Variants in ASB5 observed in about 807,000 individuals in gnomAD.
The protein encoded by ASB5 is ankyrin repeat and SOCS box containing 5, also known as ankyrin repeat and SOCS box protein 5.
Under a neutral mutation model 42.1 loss-of-function variants are expected in ASB5, and 45 were observed. The ratio of observed to expected loss-of-function variants is 1.07; its 90% CI spans 0.84 to 1.37. ASB5 has a LOEUF of 1.37. Among genes scored for constraint, ASB5 ranks in the 40% most tolerant of loss-of-function variants. The pLI is 0.00. For synonymous variants in ASB5, 147 were observed against 150.6 expected, an observed-to-expected ratio of 0.98 and a Z score of 0.18; for missense variants, 402 against 399.8, an observed-to-expected ratio of 1.01 and a Z score of -0.05.
chr4:176,266,235 C>A (rs1007884963), intron 1 of ASB5, among the ~76,000 whole-genome samples: 1 of 152,142 alleles, frequency 6.6e-6, no homozygotes, highest in Non-Finnish European at 1.5e-5. Flanking sequence ...TCAACAGGGT[C>A]TTCGGTGATT....
upstream of ASB5, among the ~76,000 whole-genome samples, chr4:176,271,038 T>C (rs1031078731): frequency 6.6e-6 from 1 of 152,228 alleles, no homozygotes; most frequent in Admixed American, 6.5e-5. Flanking sequence ...TTAAGAAACA[T>C]TTTCATTTCA....
At chr4:176,270,152 T>C (rs1324891437), upstream of ASB5, among the ~76,000 whole-genome samples, 2 of 152,202 alleles carry the variant, frequency 1.3e-5, no homozygotes, top group African/African-American at 4.8e-5. Flanking sequence ...ATTTTGGCAT[T>C]TAAGCCAAAA....
chr4:176,271,870 A>T (rs533634490), upstream of ASB5, among the ~76,000 whole-genome samples: 1 of 152,262 alleles, frequency 6.6e-6, no homozygotes, highest in East Asian at 1.9e-4. Flanking sequence ...GTTGCCTCTA[A>T]AATTTTCTAT....
chr4:176,249,781 G>A (rs911325045), intron 1 of ASB5, among the ~76,000 whole-genome samples: 26 of 152,062 alleles, frequency 1.7e-4, no homozygotes, highest in African/African-American at 5.1e-4. Context: ...AAGAAAGTGA[G>A]TTGGCCGGGC....
At chr4:176,269,640 G>T (rs942151023), upstream of ASB5, among the ~76,000 whole-genome samples, 21 of 85,770 alleles carry the variant, frequency 2.4e-4, no homozygotes, top group African/African-American at 8.1e-4. Context: ...TATTTTTACT[G>T]ATTTAAAAAA....
At chr4:176,223,333 A>G (rs1321786720) in intron 2 of ASB5, among the ~76,000 whole-genome samples, 2 of 152,358 alleles carry the variant, frequency 1.3e-5, no homozygotes, top group Middle Eastern at 3.4e-3. Context: ...AAATGAGATC[A>G]TGCATGTAAA....
rs78499830 is a variant in ASB5 at position 176,238,523 on chromosome 4, G to C, written c.197-13182C>G. ...AAGTTGAAAAAGGCACAGAGTCTAT[G>C]ATGGAATCAAGAGCAGCGACCGAAC... is the stretch of plus-strand genomic sequence containing the variant. On this transcript the variant is annotated intron_variant, in intron 1 of 6. Transcript: ENST00000296525. Among the ~76,000 whole-genome samples the C allele has an allele frequency of 5.3e-3, 809 of 152,324 alleles. 8 individuals are homozygous for C. The highest frequency in any genetic ancestry group is 0.051 in the Middle Eastern group (15 of 294).
chr4:176,225,394 G>T, intron 1 of ASB5, 53 bp from the exon 2 acceptor site: 1 of 1,427,728 alleles, frequency 7.0e-7, no homozygotes, highest in Non-Finnish European at 9.8e-7. Flanking sequence ...AAGAGTCAAA[G>T]TGAATCCCAG....
intron 1 of ASB5, among the ~76,000 whole-genome samples, chr4:176,254,091 A>G (rs1754099983): frequency 6.6e-6 from 1 of 152,214 alleles, no homozygotes; most frequent in Non-Finnish European, 1.5e-5. Context: ...GAACCAAAAA[A>G]GAGCCTGAAG....
chr4:176,248,694 T>C (rs556583503), intron 1 of ASB5, among the ~76,000 whole-genome samples: 2 of 152,318 alleles, frequency 1.3e-5, no homozygotes, highest in South Asian at 4.1e-4. Flanking sequence ...GGCAATTATA[T>C]CATACTGTTC....
intron 1 of ASB5, among the ~76,000 whole-genome samples, chr4:176,257,895 A>C (rs1020053359): frequency 1.3e-5 from 2 of 152,204 alleles, no homozygotes; most frequent in East Asian, 3.9e-4. Flanking sequence ...TTACATTGGC[A>C]GATAAATCAA....
At chr4:176,224,705 A>C (rs944944277) in intron 2 of ASB5, among the ~76,000 whole-genome samples, 1 of 3,172 alleles carries the variant, frequency 3.2e-4, no homozygotes, top group African/African-American at 4.9e-4. Flanking sequence ...AGAAGCTTCA[A>C]AAAAAAAAAT....
chr4:176,266,189 G>GTAC (rs1754351813), intron 1 of ASB5, among the ~76,000 whole-genome samples: 1 of 152,080 alleles, frequency 6.6e-6, no homozygotes, highest in Non-Finnish European at 1.5e-5. Flanking sequence ...TCACACCAAA[G>GTAC]TACTACTGCT....
intron 1 of ASB5, among the ~76,000 whole-genome samples, chr4:176,236,770 A>C (rs1478327860): frequency 6.6e-6 from 1 of 152,106 alleles, no homozygotes; most frequent in Non-Finnish European, 1.5e-5. Flanking sequence ...ACTTATGCAA[A>C]TGTATGGATA....
At chr4:176,238,213 A>G (rs914352496) in intron 1 of ASB5, among the ~76,000 whole-genome samples, 5 of 151,674 alleles carry the variant, frequency 3.3e-5, no homozygotes, top group African/African-American at 1.2e-4. Context: ...TCTCAAAAAA[A>G]AAAAAAAAAA....
intron 1 of ASB5, among the ~76,000 whole-genome samples, chr4:176,276,754 G>A (rs1398046798): frequency 6.6e-6 from 1 of 152,198 alleles, no homozygotes; most frequent in Non-Finnish European, 1.5e-5. Context: ...AATAAGAATA[G>A]TAACAGCAAA....
intron 2 of ASB5, 122 bp from the exon 3 acceptor site, chr4:176,222,542 C>T: frequency 1.1e-6 from 1 of 888,740 alleles, no homozygotes. Flanking sequence ...AACGAGTTTC[C>T]AGTTTAGCAG....
intron 1 of ASB5, among the ~76,000 whole-genome samples, chr4:176,241,254 C>T (rs1203204334): frequency 1.3e-5 from 2 of 152,072 alleles, no homozygotes; most frequent in Admixed American, 6.5e-5. Context: ...AATAATGATA[C>T]TTAAGTTGAT....
At chr4:176,253,984 A>G (rs72708310) in intron 1 of ASB5, among the ~76,000 whole-genome samples, 44,513 of 152,132 alleles carry the variant, frequency 0.29, 6,725 homozygotes, top group Middle Eastern at 0.32. Flanking sequence ...CATACTGCCC[A>G]TAGAAGTTTA....
Sources: allele counts gnomAD v4.1 joint callset (sites outside exome capture counted in the v4.1 genomes callset), GRCh38; gene constraint gnomAD v4.1.1; transcripts MANE v1.5; gene names NCBI Gene and HGNC (gene_info 2026-07-23, HGNC 2026-07-21).